Variants in LHX4 observed in about 807,000 individuals in gnomAD.
LHX4 encodes the protein LIM/homeobox protein Lhx4.
A neutral mutation model predicts 39.2 loss-of-function variants in LHX4; 16 were observed. That is an observed-to-expected ratio of 0.41 (90% CI 0.28 to 0.62). The LOEUF is 0.62. Among genes scored for constraint, LHX4 ranks in the 20% least tolerant of loss-of-function variants. The probability of loss-of-function intolerance (pLI) is 0.33; values close to 1 mark genes in which losing one functional copy is unlikely to be tolerated. For synonymous variants in LHX4, 206 were observed against 198.1 expected (o/e 1.04, Z -0.33); for missense variants, 439 against 511.9 (o/e 0.86, Z 1.37).
At chr1:180,241,710 T>A (rs1664447416) in intron 1 of LHX4, among the ~76,000 whole-genome samples, 1 of 152,248 alleles carries the variant, frequency 6.6e-6, no homozygotes, top group African/African-American at 2.4e-5. Flanking sequence ...TTGGAAGACC[T>A]AAAGATTTGC....
At chr1:180,260,112 G>A (rs958274807) in intron 2 of LHX4, among the ~76,000 whole-genome samples, 4 of 151,702 alleles carry the variant, frequency 2.6e-5, no homozygotes, top group Admixed American at 6.5e-5. Context: ...GAGCAGGGTG[G>A]CAGTGCAGCC....
chr1:180,230,632 T>G lies in LHX4; in HGVS notation c.76+27T>G, dbSNP rs369479024. On this transcript the variant is annotated intron_variant, in intron 1 of 5. Coordinates refer to ENST00000263726, the MANE Select transcript of LHX4 (RefSeq NM_033343.4). This position sits in a 1 kb window ranked among gnomAD's most constrained non-coding sequence, Gnocchi z 5.8. Reference sequence around the variant, plus strand: ...TAAGACACCCCCCTTTCTCGCTGATTTAATTCTAACAAGACAGCTAGCAGC... The same window carrying G: ...TAAGACACCCCCCTTTCTCGCTGATGTAATTCTAACAAGACAGCTAGCAGC... The G allele has an allele frequency of 4.6e-4, 742 of 1,601,000 alleles. 5 individuals are homozygous for G. Among genetic ancestry groups the G allele is most frequent in the South Asian group, 3.1e-3 (281 of 90,648 alleles).
chr1:180,236,206 G>A (rs1282902591), intron 1 of LHX4, among the ~76,000 whole-genome samples: 1 of 151,594 alleles, frequency 6.6e-6, no homozygotes, highest in Non-Finnish European at 1.5e-5. Flanking sequence ...TAGAGGTGGG[G>A]TGGGGGTGGG....
At chr1:180,249,679 T>C (rs1279559317) in intron 2 of LHX4, among the ~76,000 whole-genome samples, 1 of 152,234 alleles carries the variant, frequency 6.6e-6, no homozygotes, top group East Asian at 1.9e-4. Flanking sequence ...TCCCACATCT[T>C]CCCAAAGGTT....
chr1:180,271,738 G>T (rs1648674251), intron 4 of LHX4, 97 bp from the exon 5 acceptor site: 2 of 1,414,050 alleles, frequency 1.4e-6, no homozygotes, highest in Admixed American at 3.3e-5. Context: ...CTCCATTCAG[G>T]CTTCAGTCTG....
Position 180,255,451 on chromosome 1 carries a change from A to C in LHX4, c.248+6995A>C, listed in dbSNP as rs576340828. On this transcript the variant is annotated intron_variant, in intron 2 of 5. Coordinates refer to ENST00000263726, the MANE Select transcript of LHX4 (RefSeq NM_033343.4). Reference sequence around the variant, plus strand: ...CTAGCAGAATGTGCTTAAGGAATGCACAGGGGTGTGTCTCTTTGATGTGTG... The same window carrying C: ...CTAGCAGAATGTGCTTAAGGAATGCCCAGGGGTGTGTCTCTTTGATGTGTG... Among the ~76,000 whole-genome samples, 10 of 152,394 alleles carry C rather than the reference A, an allele frequency of 6.6e-5. No individual in the cohort carries two copies. In the South Asian group the frequency reaches 2.1e-3, roughly 32 times the overall value.
At chr1:180,253,997 G>A (rs1407411187) in intron 2 of LHX4, among the ~76,000 whole-genome samples, 1 of 152,190 alleles carries the variant, frequency 6.6e-6, no homozygotes, top group Admixed American at 6.5e-5. Flanking sequence ...AAACCATTAT[G>A]GAGTGAAAAC....
intron 5 of LHX4, 39 bp from the exon 6 acceptor site, chr1:180,274,146 C>G: frequency 6.2e-7 from 1 of 1,613,656 alleles, no homozygotes; most frequent in Non-Finnish European, 8.5e-7. Context: ...CATCAGAGTC[C>G]TGGCAGCTGA....
chr1:180,235,794 G>A lies in LHX4; in HGVS notation c.76+5189G>A, dbSNP rs117621665. On this transcript the variant is annotated intron_variant, in intron 1 of 5. Transcript: ENST00000263726. ...GGAAGGCGAGGTGGCGCGGGCCACC[G>A]GGTGCACTCACCGCACGAGAGGCCG... Among the ~76,000 whole-genome samples, 99 of 152,320 alleles carry A rather than the reference G, an allele frequency of 6.5e-4. 3 individuals carry two copies. The East Asian group carries it at 0.018, about 28-fold the overall frequency.
At chr1:180,235,682 C>T (rs1350981451) in intron 1 of LHX4, among the ~76,000 whole-genome samples, 2 of 152,180 alleles carry the variant, frequency 1.3e-5, no homozygotes, top group Admixed American at 1.3e-4. Flanking sequence ...TGTCAGGCTC[C>T]AGAGAGACAG....
At chr1:180,267,033 G>C (rs1648347448) in intron 3 of LHX4, among the ~76,000 whole-genome samples, 1 of 152,122 alleles carries the variant, frequency 6.6e-6, no homozygotes, top group Admixed American at 6.5e-5. Context: ...AAGGCCGTCG[G>C]TGAGAGCCCA....
At chr1:180,261,108 T>C (rs1381279966) in intron 2 of LHX4, among the ~76,000 whole-genome samples, 2 of 151,814 alleles carry the variant, frequency 1.3e-5, no homozygotes, top group Non-Finnish European at 2.9e-5. Flanking sequence ...AGAAAAGCTT[T>C]TGGCTGGGCA....
chr1:180,262,054 A>G (rs1571278674), intron 2 of LHX4, among the ~76,000 whole-genome samples: 1 of 152,272 alleles, frequency 6.6e-6, no homozygotes, highest in African/African-American at 2.4e-5. Flanking sequence ...GTTGCACTGG[A>G]CCAAAGGCTG....
chr1:180,271,507 G>C lies in LHX4; in HGVS notation c.579G>C (p.Glu193Asp). Residue 193 changes from glutamate to aspartate, a missense_variant, in exon 4 of 6, where the codon GAG (glutamate) becomes GAC (aspartate). Glu to Asp is a conservative substitution (Grantham distance 45). Coordinates refer to ENST00000263726, the MANE Select transcript of LHX4 (RefSeq NM_033343.4). The stretch of plus-strand genomic sequence containing the variant: ...ACGTGAGGGAGCAGCTGTCCTCAGA[G>C]ACAGGCCTGGACATGAGGGTCGTAC... ...ARHVREQLSS[E>D]TGLDMRVVQV... is the part of the protein sequence containing the mutation. 6.2e-7 allele frequency: 1 copy of C among 1,614,168 alleles called. No individual in the cohort carries two copies. The highest frequency in any genetic ancestry group is 1.1e-5 in the South Asian group (1 of 91,086).
At chr1:180,243,681 G>C (rs1647263095) in intron 1 of LHX4, among the ~76,000 whole-genome samples, 1 of 152,130 alleles carries the variant, frequency 6.6e-6, no homozygotes, top group Non-Finnish European at 1.5e-5. Context: ...ATTGTGGACA[G>C]AGGCTGCTGC....
In LHX4 at chr1:180,274,837, T is replaced by C. The variant is rs1449225598; in HGVS notation, c.*258T>C. On this transcript the variant is annotated 3_prime_UTR_variant, in exon 6 of 6. Transcript: ENST00000263726. ...CTAGAGCTCTAGGGACACTGGCTTGTTGGGTCTCTCCCCTGCTGTTCTGCT... is the reference window on the plus strand; with the variant it reads ...CTAGAGCTCTAGGGACACTGGCTTGCTGGGTCTCTCCCCTGCTGTTCTGCT... The C allele has an allele frequency of 4.8e-6, 2 of 418,856 alleles. No homozygotes were observed. Among genetic ancestry groups the C allele is most frequent in the Non-Finnish European group, 8.5e-6 (2 of 234,642 alleles). 25.9% of individuals were successfully genotyped at this position (418,856 alleles called of 1,614,324 possible).
chr1:180,256,230 C>T (rs550102177), intron 2 of LHX4, among the ~76,000 whole-genome samples: 23 of 152,342 alleles, frequency 1.5e-4, no homozygotes, highest in East Asian at 1.4e-3. Context: ...CTCTTCCCTC[C>T]GCCCATCTGG....
chr1:180,265,133 G>A (rs1462087711), intron 2 of LHX4, among the ~76,000 whole-genome samples: 1 of 152,202 alleles, frequency 6.6e-6, no homozygotes, highest in Non-Finnish European at 1.5e-5. Context: ...TGGTATTAAT[G>A]TGGATGAAAT....
rs1558207252 is a variant in LHX4, at chr1:180,234,211, ATATATATAT to A, written c.76+3607_76+3615del. Among the ~76,000 whole-genome samples, 295 of 65,090 alleles carry A rather than the reference ATATATATAT, an allele frequency of 4.5e-3. 2 individuals carry two copies. The highest frequency in any genetic ancestry group is 0.011 in the South Asian group (14 of 1,218). The allele number at this position is 65,090 out of a possible 152,430, so 42.7% of individuals were successfully genotyped here. On this transcript the variant is annotated intron_variant, in intron 1 of 5. Coordinates refer to ENST00000263726, the MANE Select transcript of LHX4 (RefSeq NM_033343.4). The surrounding 1 kb of genome is among the most constrained non-coding windows in gnomAD (Gnocchi z 4.8). ...TATATATATATATATATATATATATATATATATATAATAGATTGAGATTCTATCATATTC... is the reference window on the plus strand; with the variant it reads ...TATATATATATATATATATATATATAAATAGATTGAGATTCTATCATATTC...
Sources: gnomAD v4.1 joint callset for allele counts (sites outside exome capture counted in the v4.1 genomes callset) on GRCh38, gnomAD v4.1.1 for gene constraint, Gnocchi (gnomAD v3.1) non-coding constraint, MANE v1.5 for transcripts, NCBI Gene and HGNC (gene_info 2026-07-23, HGNC 2026-07-21) for gene names.